Variants in RIPK4 observed in about 807,000 individuals in gnomAD.
RIPK4 encodes the protein receptor interacting serine/threonine kinase 4, also known as receptor-interacting serine/threonine-protein kinase 4.
In RIPK4, 17 loss-of-function variants were observed where a neutral mutation model predicts 42.9. The observed-to-expected ratio is 0.40, with a 90% CI of 0.27 to 0.59. The LOEUF (loss-of-function observed/expected upper bound fraction) is 0.59. Ranked by LOEUF, RIPK4 falls within the 20% of genes least tolerant of loss-of-function variation. The probability of loss-of-function intolerance (pLI) is 0.47; values close to 1 mark genes in which losing one functional copy is unlikely to be tolerated. For missense variants in RIPK4, 897 were observed against 1,104.4 expected (o/e 0.81, Z 2.66); for synonymous variants, 498 against 499.1 (o/e 1.00, Z 0.03).
At chr21:41,763,798 G>A (rs1009948923) in intron 1 of RIPK4, among the ~76,000 whole-genome samples, 14 of 152,242 alleles carry the variant, frequency 9.2e-5, no homozygotes, top group African/African-American at 3.4e-4. Flanking sequence ...CGACCAGCCA[G>A]GGCTGAATGT....
Position 41,755,395 on chromosome 21 carries a change from C to T in RIPK4, c.474+1130G>A, listed in dbSNP as rs1182709392. Among the ~76,000 whole-genome samples the T allele has an allele frequency of 6.6e-6, 1 of 152,208 alleles. No individual in the cohort carries two copies. The highest frequency in any genetic ancestry group is 1.5e-5 in the Non-Finnish European group (1 of 68,044). On this transcript the variant is annotated intron_variant, in intron 2 of 7. Transcript: ENST00000332512. This position sits in a 1 kb window ranked among gnomAD's most constrained non-coding sequence, Gnocchi z 4.2. ...TCACCACCGCCCTGGCTGAGCAAGGCACGCGAGATGCACTCGTCCGCAGAG... is the reference window on the plus strand; with the variant it reads ...TCACCACCGCCCTGGCTGAGCAAGGTACGCGAGATGCACTCGTCCGCAGAG...
At position 41,741,746 on chromosome 21, in the gene RIPK4, C is replaced by A. The variant is rs865973245; in HGVS notation, c.1447G>T (p.Val483Leu). 6.2e-7 allele frequency: 1 copy of A among 1,612,360 alleles called. No individual in the cohort carries two copies. Among genetic ancestry groups the A allele is most frequent in the Non-Finnish European group, 8.5e-7 (1 of 1,180,000 alleles). Residue 483 changes from valine to leucine, a missense_variant, in exon 8 of 8, where the codon GTG (valine) becomes TTG (leucine). Transcript: ENST00000332512. ...TPLHMAVERR[V>L]RGVVELLLAR... ...AGCAGGAGCTCCACGACACCCCGCACCCTCCTCTCCACGGCCATGTGCAAC... is the reference window on the plus strand; with the variant it reads ...AGCAGGAGCTCCACGACACCCCGCAACCTCCTCTCCACGGCCATGTGCAAC...
At chr21:41,744,714 A>C (rs2061165429) in intron 6 of RIPK4, among the ~76,000 whole-genome samples, 1 of 152,122 alleles carries the variant, frequency 6.6e-6, no homozygotes, top group African/African-American at 2.4e-5. Context: ...GACAGACAGG[A>C]ACTGGGCAGG....
intron 2 of RIPK4, 22 bp downstream of exon 2, chr21:41,756,503 C>T (rs769650244): frequency 5.0e-6 from 8 of 1,603,864 alleles, no homozygotes; most frequent in East Asian, 4.5e-5. Flanking sequence ...CCAGCTCTCT[C>T]GGGCACCGTG....
chr21:41,745,798 A>G lies in RIPK4; in HGVS notation c.897T>C (p.His299=), dbSNP rs1252448127. The stretch of plus-strand genomic sequence containing the variant: ...CCGGGGGGCTTTTCACGTCCAGATC[A>G]TGAGCAGTTTCTTTCACTTCGTCAT... ...KPDDEVKETA[H]DLDVKSPPEP... is the part of the protein sequence containing the mutation. Residue 299 remains histidine (H), a synonymous_variant, in exon 6 of 8, where the codon CAT becomes CAC. Coordinates refer to ENST00000332512, the MANE Select transcript of RIPK4 (RefSeq NM_020639.3). The G allele has an allele frequency of 2.5e-6, 4 of 1,614,234 alleles. No individual in the cohort carries two copies. Among genetic ancestry groups the G allele is most frequent in the East Asian group, 4.5e-5 (2 of 44,882 alleles).
intron 6 of RIPK4, among the ~76,000 whole-genome samples, chr21:41,745,270 C>T (rs1017725926): frequency 6.6e-6 from 1 of 152,202 alleles, no homozygotes; most frequent in Non-Finnish European, 1.5e-5. Flanking sequence ...AGCTGGGCCT[C>T]ACAGGTCTGC....
At chr21:41,753,831 T>G in intron 2 of RIPK4, among the ~76,000 whole-genome samples, 1 of 152,224 alleles carries the variant, frequency 6.6e-6, no homozygotes, top group East Asian at 1.9e-4. Context: ...GAAAAGCGTC[T>G]GTTTTGGGCT....
At position 41,744,057 on chromosome 21, in the gene RIPK4, G is replaced by A; in HGVS notation, c.1020C>T (p.Asp340=). Residue 340 remains aspartate, a synonymous_variant, in exon 7 of 8, where the codon GAC becomes GAT. Transcript: ENST00000332512. Reference sequence around the variant, plus strand: ...CCTCGACAGCCTGGGAAACTCCAGAGTCCAGCTGTGAGAGCAGCTCGGAGA... The same window carrying A: ...CCTCGACAGCCTGGGAAACTCCAGAATCCAGCTGTGAGAGCAGCTCGGAGA... ...YSLSELLSQL[D]SGVSQAVEGP... is the part of the protein sequence containing the mutation. The A allele has an allele frequency of 1.2e-6, 2 of 1,612,958 alleles. No homozygotes were observed.
At chr21:41,745,954 G>A in intron 5 of RIPK4, 92 bp from the exon 6 acceptor site, 3 of 1,064,888 alleles carry the variant, frequency 2.8e-6, no homozygotes, top group Non-Finnish European at 4.4e-6. Context: ...CGAGCTGGGG[G>A]ATTTCTCACA....
rs576215477 is a variant in RIPK4, at chr21:41,740,557, C to T, written c.*281G>A. ...TTCATCACTGAGAGACCAGCCTCAG[C>T]GACCCATTAGGAGCACAACGAAATG... On this transcript the variant is annotated 3_prime_UTR_variant, in exon 8 of 8. Transcript: ENST00000332512. 56 of 425,892 alleles carry T rather than the reference C, an allele frequency of 1.3e-4. No individual in the cohort carries two copies. Among genetic ancestry groups the T allele is most frequent in the Admixed American group, 2.0e-4 (5 of 24,598 alleles). The allele number at this position is 425,892 out of a possible 1,614,324, so 26.4% of individuals were successfully genotyped here.
At chr21:41,764,802 T>C (rs1258953550) in intron 1 of RIPK4, among the ~76,000 whole-genome samples, 1 of 152,166 alleles carries the variant, frequency 6.6e-6, no homozygotes, top group South Asian at 2.1e-4. Flanking sequence ...TTTGACCAAC[T>C]TCTCAGAAAG....
chr21:41,754,671 C>T (rs193177496), intron 2 of RIPK4, among the ~76,000 whole-genome samples: 34 of 152,326 alleles, frequency 2.2e-4, no homozygotes, highest in Non-Finnish European at 1.2e-4. Context: ...CTGCCTGCCC[C>T]GACTCCTGAG....
At chr21:41,753,395 T>C (rs2061194158) in intron 2 of RIPK4, among the ~76,000 whole-genome samples, 1 of 152,196 alleles carries the variant, frequency 6.6e-6, no homozygotes. Flanking sequence ...CAAACTATAC[T>C]TGGTGAAAAG....
At chr21:41,758,035 TATATATAG>T (rs1165705269) in intron 1 of RIPK4, among the ~76,000 whole-genome samples, 13 of 97,258 alleles carry the variant, frequency 1.3e-4, no homozygotes, top group African/African-American at 7.3e-4. Flanking sequence ...TATATATATA[TATATATAG>T]AGAGAGAGAG....
intron 5 of RIPK4, chr21:41,746,092 C>T (rs1228774346): frequency 1.4e-6 from 1 of 698,486 alleles, no homozygotes; most frequent in Non-Finnish European, 2.6e-6. Flanking sequence ...GGAAGCCTTC[C>T]CCGGGGGAGC....
intron 1 of RIPK4, among the ~76,000 whole-genome samples, chr21:41,759,329 G>T (rs1362442246): frequency 6.6e-6 from 1 of 152,094 alleles, no homozygotes; most frequent in Non-Finnish European, 1.5e-5. Context: ...CTAGGCTCAA[G>T]TGATTTGCCT....
chr21:41,760,514 C>T lies in RIPK4; in HGVS notation c.183-3698G>A, dbSNP rs528388831. ...AGAGAATCGGGAAGGCTGAGACCTG[C>T]GCAGAGTCCAGGGGCACCCGGGAGG... On this transcript the variant is annotated intron_variant, in intron 1 of 7. Transcript: ENST00000332512. 5.9e-4 allele frequency among the ~76,000 whole-genome samples: 90 copies of T among 152,318 alleles called. 3 individuals are homozygous for T. The South Asian group carries it at 0.015, about 25-fold the overall frequency.
Position 41,746,196 on chromosome 21 carries a change from G to A in RIPK4, c.833-334C>T, listed in dbSNP as rs1031710962. 4 of 622,584 alleles carry A rather than the reference G, an allele frequency of 6.4e-6. No homozygotes were observed. The African/African-American group carries it at 7.2e-5, about 11-fold the overall frequency. 38.6% of individuals were successfully genotyped at this position (622,584 alleles called of 1,614,324 possible). A position where few individuals can be genotyped will look rare whatever the true frequency, so the allele number is the denominator to read the frequency against. On this transcript the variant is annotated intron_variant, in intron 5 of 7. Coordinates refer to ENST00000332512, the MANE Select transcript of RIPK4 (RefSeq NM_020639.3). ...CCTGCCGTAAGCTTTAAATGCAGCA[G>A]TTTCCATCTCATCAGGGTGACTTTC...
intron 1 of RIPK4, among the ~76,000 whole-genome samples, chr21:41,764,090 A>G (rs1038045332): frequency 2.0e-5 from 3 of 151,832 alleles, no homozygotes; most frequent in Non-Finnish European, 4.4e-5. Context: ...TCACCTGTGA[A>G]CTCCCAGGAG....
Sources: gnomAD v4.1 joint callset for allele counts (sites outside exome capture counted in the v4.1 genomes callset) on GRCh38, gnomAD v4.1.1 for gene constraint, Gnocchi (gnomAD v3.1) non-coding constraint, MANE v1.5 for transcripts, NCBI Gene and HGNC (gene_info 2026-07-23, HGNC 2026-07-21) for gene names.